The following TMEM140 variants were observed in gnomAD, a reference collection of about 807,000 sequenced individuals.
TMEM140 encodes transmembrane protein 140.
For synonymous variants in TMEM140, 107 were observed against 106.8 expected, an observed-to-expected ratio of 1.00 and a Z score of -0.01; for missense variants, 236 against 228.5, an observed-to-expected ratio of 1.03 and a Z score of -0.21.
In TMEM140 at chr7:135,164,925, A is replaced by G; in HGVS notation, c.484A>G (p.Ile162Val). The change falls in exon 2 of 2, where the codon ATC (isoleucine) becomes GTC (valine). Residue 162 changes from isoleucine (I) to valine (V), a missense_variant. By Grantham distance (29) the Ile-to-Val change is conservative. Transcript: ENST00000275767. ...TCTGGGCAGCGCCCAGGCCTTACTCATCCTCTTGCTTATAGCCATGGCTGT... is the reference window on the plus strand; with the variant it reads ...TCTGGGCAGCGCCCAGGCCTTACTCGTCCTCTTGCTTATAGCCATGGCTGT... ...LALGSAQALL[I>V]LLLIAMAVFP... 6.2e-7 allele frequency: 1 copy of G among 1,613,904 alleles called. No homozygotes were observed.
chr7:135,152,317 CA>C (rs1731856613), intron 1 of TMEM140, among the ~76,000 whole-genome samples: 1 of 152,224 alleles, frequency 6.6e-6, no homozygotes, highest in South Asian at 2.1e-4. Context: ...GTGATAATAA[CA>C]TCCACACAAG....
Position 135,165,136 on chromosome 7 carries a change from G to C in TMEM140, c.*137G>C. 9.3e-7 allele frequency: 1 copy of C among 1,078,152 alleles called. No homozygotes were observed. Among genetic ancestry groups the C allele is most frequent in the Non-Finnish European group, 1.3e-6 (1 of 765,940 alleles). 66.8% of individuals were successfully genotyped at this position (1,078,152 alleles called of 1,614,324 possible). A position where few individuals can be genotyped will look rare whatever the true frequency, so the allele number is the denominator to read the frequency against. On this transcript the variant is annotated 3_prime_UTR_variant, in exon 2 of 2. Coordinates refer to ENST00000275767, the MANE Select transcript of TMEM140 (RefSeq NM_018295.5). ...ACTACAGAGGAGGTGGGGCCCCTGT[G>C]TCAAAGAGGCCGAGGGGCAGCAAGG...
At chr7:135,160,285 T>A (rs11761059) in intron 1 of TMEM140, among the ~76,000 whole-genome samples, 244 of 152,374 alleles carry the variant, frequency 1.6e-3, no homozygotes, top group Middle Eastern at 3.4e-3. Flanking sequence ...GGAAAAGGTT[T>A]ATCTAAAAAT....
Position 135,164,633 on chromosome 7 carries a change from T to A in TMEM140, c.192T>A (p.Cys64Ter). 6.2e-7 allele frequency: 1 copy of A among 1,613,454 alleles called. No homozygotes were observed. Among genetic ancestry groups the A allele is most frequent in the Non-Finnish European group, 8.5e-7 (1 of 1,179,356 alleles). Residue 64 changes from cysteine (C) to a stop codon, truncating the protein, a stop_gained, in exon 2 of 2, where the codon TGT becomes TGA. Transcript: ENST00000275767. LOFTEE classifies it low-confidence loss of function (END_TRUNC). ...ATGAGGACACCAGCACCCTACAGTG[T>A]CACCAGTTCCCTGAGCTGGAAGCCC... The part of the protein sequence containing the change: ...LWNEDTSTLQ[C>*]HQFPELEALG...
At chr7:135,156,610 GATTA>G (rs1435714728) in intron 1 of TMEM140, among the ~76,000 whole-genome samples, 4 of 151,860 alleles carry the variant, frequency 2.6e-5, no homozygotes, top group Non-Finnish European at 4.4e-5. Context: ...TTATATCCTG[GATTA>G]ATTTTCTGAT....
At chr7:135,158,842 T>C (rs1829859277) in intron 1 of TMEM140, among the ~76,000 whole-genome samples, 1 of 152,164 alleles carries the variant, frequency 6.6e-6, no homozygotes, top group Non-Finnish European at 1.5e-5. Context: ...GCAAGAGCCA[T>C]GTCTGTAGAG....
rs915736685 is a variant in TMEM140, at chr7:135,161,790, C to T, written c.-24-2628C>T. Among the ~76,000 whole-genome samples, 1 of 152,208 alleles carries T rather than the reference C, an allele frequency of 6.6e-6. No individual in the cohort carries two copies. The highest frequency in any genetic ancestry group is 2.4e-5 in the African/African-American group (1 of 41,460). On this transcript the variant is annotated intron_variant, in intron 1 of 1. Transcript: ENST00000275767. This position sits in a 1 kb window ranked among gnomAD's most constrained non-coding sequence, Gnocchi z 4.1. ...GGGACCTCCAGAGCCTTTGACAGTG[C>T]CACCCAAGGCAGCAGCCAGGGCTTC...
At chr7:135,153,815 C>T (rs1829721562) in intron 1 of TMEM140, among the ~76,000 whole-genome samples, 1 of 152,106 alleles carries the variant, frequency 6.6e-6, no homozygotes, top group South Asian at 2.1e-4. Context: ...TCTGCTGTGT[C>T]CTTGTCTGGT....
At chr7:135,162,558 T>G (rs1829971068) in intron 1 of TMEM140, among the ~76,000 whole-genome samples, 1 of 152,202 alleles carries the variant, frequency 6.6e-6, no homozygotes, top group Non-Finnish European at 1.5e-5. Context: ...CAAAAGCACA[T>G]CTTACATGGC....
At chr7:135,163,842 C>T (rs2117472868) in intron 1 of TMEM140, among the ~76,000 whole-genome samples, 1 of 152,304 alleles carries the variant, frequency 6.6e-6, no homozygotes. Context: ...TGGTCCTTGA[C>T]CCAGGCTCAC....
At position 135,152,004 on chromosome 7, in the gene TMEM140, G is replaced by GGGC. The variant is rs1829676804; in HGVS notation, c.-25+3735_-25+3737dup. ...CTCACCACTGTCAGGCTGGTAGCCT[G>GGGC]GGCTTAACTTCTCTGAGCCTCAGTT... On this transcript the variant is annotated intron_variant, in intron 1 of 1. Coordinates refer to ENST00000275767, the MANE Select transcript of TMEM140 (RefSeq NM_018295.5). Among the ~76,000 whole-genome samples, 3 of 152,282 alleles carry GGGC rather than the reference G, an allele frequency of 2.0e-5. No homozygotes were observed. In the South Asian group the frequency reaches 6.2e-4, roughly 32 times the overall value.
chr7:135,149,021 CAGT>C (rs2117417331), intron 1 of TMEM140, among the ~76,000 whole-genome samples: 1 of 152,246 alleles, frequency 6.6e-6, no homozygotes, highest in South Asian at 2.1e-4. Flanking sequence ...GAGCATTTTT[CAGT>C]ATCCACTTAC....
In TMEM140 at chr7:135,160,117, T is replaced by C. The variant is rs73153792; in HGVS notation, c.-24-4301T>C. ...ACAAAGTGGGATACAAACATATATATTTATGTAATCCCAACAGTGTAAAAC... is the reference window on the plus strand; with the variant it reads ...ACAAAGTGGGATACAAACATATATACTTATGTAATCCCAACAGTGTAAAAC... On this transcript the variant is annotated intron_variant, in intron 1 of 1. Transcript: ENST00000275767. 4.1e-3 allele frequency among the ~76,000 whole-genome samples: 619 copies of C among 152,356 alleles called. 2 individuals carry two copies. The highest frequency in any genetic ancestry group is 7.5e-3 in the Non-Finnish European group (512 of 68,028).
Position 135,165,475 on chromosome 7 carries a change from C to T in TMEM140, c.*476C>T, listed in dbSNP as rs1830073118. On this transcript the variant is annotated 3_prime_UTR_variant, in exon 2 of 2. Transcript: ENST00000275767. ...ACATGGTTAAGGAGCTTCCACTCAG[C>T]CCACCATAGTGAGTGGGCCGCCATA... 5.8e-6 allele frequency: 1 copy of T among 171,224 alleles called. No homozygotes were observed. The highest frequency in any genetic ancestry group is 1.9e-4 in the South Asian group (1 of 5,190). The allele number at this position is 171,224 out of a possible 1,614,324, so 10.6% of individuals were successfully genotyped here.
Position 135,165,973 on chromosome 7 carries a change from G to A in TMEM140, c.*974G>A, listed in dbSNP as rs6585. 72,173 of 160,182 alleles carry A rather than the reference G, an allele frequency of 0.45. 16,898 individuals carry two copies. Among genetic ancestry groups the A allele is most frequent in the East Asian group, 0.75 (3,874 of 5,162 alleles). The allele number at this position is 160,182 out of a possible 1,614,324, so 9.9% of individuals were successfully genotyped here. A position where few individuals can be genotyped will look rare whatever the true frequency, so the allele number is the denominator to read the frequency against. ...TCTTGCTTTATAGCTAGCTGCCCGG[G>A]GACCAAGGTACAGGTGAAAGCAAGG... On this transcript the variant is annotated 3_prime_UTR_variant, in exon 2 of 2. Transcript: ENST00000275767.
chr7:135,155,816 A>T (rs1829778661), intron 1 of TMEM140, among the ~76,000 whole-genome samples: 1 of 152,248 alleles, frequency 6.6e-6, no homozygotes, highest in Non-Finnish European at 1.5e-5. Flanking sequence ...GCACTACTGT[A>T]TTCCAGGTTG....
intron 1 of TMEM140, among the ~76,000 whole-genome samples, chr7:135,158,016 C>A (rs1457211297): frequency 6.6e-6 from 1 of 151,876 alleles, no homozygotes; most frequent in Non-Finnish European, 1.5e-5. Flanking sequence ...GTAGCAGGCA[C>A]TGGGTATTGT....
At chr7:135,164,215 T>C (rs1830021809) in intron 1 of TMEM140, among the ~76,000 whole-genome samples, 1 of 152,246 alleles carries the variant, frequency 6.6e-6, no homozygotes, top group Non-Finnish European at 1.5e-5. Flanking sequence ...CCTCCTGACC[T>C]CAAATCAGAG....
Position 135,165,126 on chromosome 7 carries a change from G to C in TMEM140, c.*127G>C, listed in dbSNP as rs758716406. On this transcript the variant is annotated 3_prime_UTR_variant, in exon 2 of 2. Transcript: ENST00000275767. ...GATGGAACCCACTACAGAGGAGGTGGGGCCCCTGTGTCAAAGAGGCCGAGG... is the reference window on the plus strand; with the variant it reads ...GATGGAACCCACTACAGAGGAGGTGCGGCCCCTGTGTCAAAGAGGCCGAGG... 2 of 1,223,772 alleles carry C rather than the reference G, an allele frequency of 1.6e-6. No homozygotes were observed. The highest frequency in any genetic ancestry group is 3.1e-5 in the African/African-American group (2 of 65,362). 75.8% of individuals were successfully genotyped at this position (1,223,772 alleles called of 1,614,324 possible). A position where few individuals can be genotyped will look rare whatever the true frequency, so the allele number is the denominator to read the frequency against.
Sources: gnomAD v4.1 joint callset for allele counts (sites outside exome capture counted in the v4.1 genomes callset) on GRCh38, gnomAD v4.1.1 for gene constraint, Gnocchi (gnomAD v3.1) non-coding constraint, MANE v1.5 for transcripts, NCBI Gene and HGNC (gene_info 2026-07-23, HGNC 2026-07-21) for gene names.